The following GRIK4 variants were observed in gnomAD, a reference collection of about 807,000 sequenced individuals.
The protein encoded by GRIK4 is glutamate receptor ionotropic, kainate 4.
GRIK4 carries 40 observed loss-of-function variants against 104.9 expected under a neutral mutation model. The observed-to-expected ratio is 0.38, with a 90% CI of 0.30 to 0.50. The LOEUF is 0.50. Ranked by LOEUF, GRIK4 falls within the 20% of genes least tolerant of loss-of-function variation. GRIK4 has a pLI of 0.93. For missense variants in GRIK4, 1,047 were observed against 1,308.1 expected, an observed-to-expected ratio of 0.80 and a Z score of 3.08; for synonymous variants, 485 against 524.9, an observed-to-expected ratio of 0.92 and a Z score of 1.04.
At chr11:120,743,715 C>T (rs1951381393) in intron 3 of GRIK4, among the ~76,000 whole-genome samples, 1 of 152,228 alleles carries the variant, frequency 6.6e-6, no homozygotes, top group Non-Finnish European at 1.5e-5. Flanking sequence ...AAGGATTTGG[C>T]ACAAAGTTCA....
chr11:120,914,683 C>G (rs536022342), intron 13 of GRIK4, among the ~76,000 whole-genome samples: 9 of 152,052 alleles, frequency 5.9e-5, no homozygotes, highest in African/African-American at 1.7e-4. Flanking sequence ...AGGGGCCAGT[C>G]GTGATAGGGT....
rs562865449 is a variant in GRIK4, at chr11:120,951,532, C to T, written c.1591-1323C>T. ...TGACTGATACAATTTTGAGCTTAAA[C>T]GCTTACCTGTTCATAGAACCCTGAG... is the stretch of plus-strand genomic sequence containing the variant. On this transcript the variant is annotated intron_variant, in intron 14 of 20. Transcript: ENST00000527524. 5.9e-5 allele frequency among the ~76,000 whole-genome samples: 9 copies of T among 152,322 alleles called. No homozygotes were observed. The South Asian group carries it at 8.3e-4, about 14-fold the overall frequency.
chr11:120,850,951 A>G (rs1953960066), intron 8 of GRIK4, among the ~76,000 whole-genome samples: 1 of 152,050 alleles, frequency 6.6e-6, no homozygotes, highest in Admixed American at 6.5e-5. Context: ...CAAAGGCGTC[A>G]ACAGCTCCGT....
chr11:120,566,881 T>C (rs111269930), intron 1 of GRIK4, among the ~76,000 whole-genome samples: 2,252 of 151,916 alleles, frequency 0.015, 58 homozygotes, highest in African/African-American at 0.049. Flanking sequence ...TTTTGTTTTT[T>C]GTATTTTAGT....
intron 1 of GRIK4, among the ~76,000 whole-genome samples, chr11:120,613,027 G>T (rs1404072937): frequency 6.6e-6 from 1 of 152,214 alleles, no homozygotes; most frequent in Non-Finnish European, 1.5e-5. Flanking sequence ...GAGTGGTGGG[G>T]TTGCTGGGAT....
chr11:120,626,077 T>C (rs997396335), intron 1 of GRIK4, among the ~76,000 whole-genome samples: 15 of 152,222 alleles, frequency 9.9e-5, no homozygotes, highest in African/African-American at 3.6e-4. Flanking sequence ...ACTTTAATTA[T>C]TTCAGATTCA....
chr11:120,670,175 C>T (rs1017127738), intron 3 of GRIK4, among the ~76,000 whole-genome samples: 3 of 152,244 alleles, frequency 2.0e-5, no homozygotes, highest in Non-Finnish European at 4.4e-5. Flanking sequence ...CGTCTCACCA[C>T]CTCAGCAGGT....
intron 6 of GRIK4, among the ~76,000 whole-genome samples, chr11:120,831,527 C>T (rs1428038648): frequency 2.0e-5 from 3 of 152,150 alleles, no homozygotes; most frequent in Non-Finnish European, 4.4e-5. Context: ...TGCATCCTAT[C>T]CGGCTTTCGA....
chr11:120,736,798 C>T (rs1951231806), intron 3 of GRIK4, among the ~76,000 whole-genome samples: 1 of 151,650 alleles, frequency 6.6e-6, no homozygotes, highest in East Asian at 1.9e-4. Flanking sequence ...ACCCTGCCCA[C>T]CTCTGTTCAC....
At chr11:120,712,610 A>T (rs2135357538) in intron 3 of GRIK4, among the ~76,000 whole-genome samples, 1 of 150,566 alleles carries the variant, frequency 6.6e-6, no homozygotes, top group Non-Finnish European at 1.5e-5. Flanking sequence ...CAACATAGTA[A>T]GACCCTGTCT....
In GRIK4 at chr11:120,798,099, A is replaced by G. The variant is rs185445452; in HGVS notation, c.83-4594A>G. Among the ~76,000 whole-genome samples the G allele has an allele frequency of 6.0e-4, 89 of 149,080 alleles. 1 individual carries two copies. Among genetic ancestry groups the G allele is most frequent in the African/African-American group, 2.2e-3 (89 of 40,748 alleles). On this transcript the variant is annotated intron_variant, in intron 3 of 20. Transcript: ENST00000527524. Reference sequence around the variant, plus strand: ...AGGACCCTTTCCCTGGTTTGCAGATAGCCATCTTGTTCTATCCTCACGTGG... The same window carrying G: ...AGGACCCTTTCCCTGGTTTGCAGATGGCCATCTTGTTCTATCCTCACGTGG...
chr11:120,677,970 G>A (rs1048364771), intron 3 of GRIK4, among the ~76,000 whole-genome samples: 10 of 152,372 alleles, frequency 6.6e-5, no homozygotes, highest in African/African-American at 2.4e-4. Context: ...TGTGGAAACT[G>A]AGGTGTGGAG....
At chr11:120,640,263 A>G (rs1441377770) in intron 1 of GRIK4, among the ~76,000 whole-genome samples, 2 of 152,228 alleles carry the variant, frequency 1.3e-5, no homozygotes, top group Non-Finnish European at 2.9e-5. Flanking sequence ...ATTTTTTCCC[A>G]ACTTACTCTA....
Position 120,916,219 on chromosome 11 carries a change from A to G in GRIK4, c.1476+10726A>G, listed in dbSNP as rs1238085821. ...TTCAGACTAAGAAAACAGAGCCCCA[A>G]GAAGCTAACGCCCAGGAGTGCTAGG... On this transcript the variant is annotated intron_variant, in intron 13 of 20. Coordinates refer to ENST00000527524, the MANE Select transcript of GRIK4 (RefSeq NM_014619.5). Among the ~76,000 whole-genome samples, 5 of 152,244 alleles carry G rather than the reference A, an allele frequency of 3.3e-5. No homozygotes were observed. In the East Asian group the frequency reaches 9.6e-4, roughly 29 times the overall value.
intron 14 of GRIK4, among the ~76,000 whole-genome samples, chr11:120,946,539 CT>C (rs1292609131): frequency 6.6e-6 from 1 of 152,194 alleles, no homozygotes. Context: ...AAAATAAAAA[CT>C]CAGTATTGAC....
chr11:120,862,863 C>T (rs1258391907), intron 9 of GRIK4, among the ~76,000 whole-genome samples: 4 of 152,142 alleles, frequency 2.6e-5, no homozygotes, highest in Admixed American at 6.6e-5. Flanking sequence ...CTGTCCTAGC[C>T]CCATTATACA....
intron 3 of GRIK4, among the ~76,000 whole-genome samples, chr11:120,756,609 GTT>G (rs1951655388): frequency 6.6e-6 from 1 of 152,150 alleles, no homozygotes; most frequent in South Asian, 2.1e-4. Context: ...CTTAAACTAA[GTT>G]TACCATCACT....
chr11:120,605,807 G>A (rs1344375256), intron 1 of GRIK4, among the ~76,000 whole-genome samples: 2 of 152,216 alleles, frequency 1.3e-5, no homozygotes, highest in Admixed American at 1.3e-4. Flanking sequence ...CATGGGTCAG[G>A]GAAGCTGCTT....
chr11:120,888,345 C>T (rs1955179521), intron 11 of GRIK4, among the ~76,000 whole-genome samples: 1 of 152,046 alleles, frequency 6.6e-6, no homozygotes, highest in Admixed American at 6.5e-5. Context: ...AACCCAACCT[C>T]TCAGAGCCTC....
Sources: allele counts gnomAD v4.1 joint callset (sites outside exome capture counted in the v4.1 genomes callset), GRCh38; gene constraint gnomAD v4.1.1; transcripts MANE v1.5; gene names NCBI Gene and HGNC (gene_info 2026-07-23, HGNC 2026-07-21).